Variants in CPNE8 observed in about 807,000 individuals in gnomAD.
CPNE8 encodes copine 8.
In CPNE8, 45 loss-of-function variants were observed where a neutral mutation model predicts 81.5. That is an observed-to-expected ratio of 0.55 (90% CI 0.44 to 0.71). CPNE8 has a LOEUF of 0.71. Ranked by LOEUF, CPNE8 falls within the 30% of genes least tolerant of loss-of-function variation. CPNE8 has a pLI of 0.00. For synonymous variants in CPNE8, 252 were observed against 226.3 expected, an observed-to-expected ratio of 1.11 and a Z score of -1.02; for missense variants, 594 against 672.1, an observed-to-expected ratio of 0.88 and a Z score of 1.28.
intron 3 of CPNE8, among the ~76,000 whole-genome samples, chr12:38,848,892 G>T (rs1348961781): frequency 6.6e-6 from 1 of 152,008 alleles, no homozygotes; most frequent in Non-Finnish European, 1.5e-5. Flanking sequence ...AAACCATAAT[G>T]CTTCTCCTTC....
intron 19 of CPNE8, among the ~76,000 whole-genome samples, chr12:38,662,353 A>G (rs1938977661): frequency 6.6e-6 from 1 of 152,212 alleles, no homozygotes; most frequent in Non-Finnish European, 1.5e-5. Flanking sequence ...GCATTTCTTT[A>G]TACCAATGGC....
At chr12:38,756,853 G>A (rs1219981314) in intron 10 of CPNE8, among the ~76,000 whole-genome samples, 1 of 152,172 alleles carries the variant, frequency 6.6e-6, no homozygotes, top group Admixed American at 6.5e-5. Flanking sequence ...AATGTAGGTA[G>A]TCTGAATTGA....
intron 13 of CPNE8, among the ~76,000 whole-genome samples, chr12:38,708,330 C>T (rs1038272452): frequency 4.6e-5 from 7 of 151,136 alleles, no homozygotes; most frequent in African/African-American, 1.7e-4. Flanking sequence ...TCTAATATTG[C>T]TTGAAGCCTA....
chr12:38,830,010 C>T (rs552101939), intron 5 of CPNE8, among the ~76,000 whole-genome samples: 2 of 152,296 alleles, frequency 1.3e-5, no homozygotes, highest in African/African-American at 4.8e-5. Flanking sequence ...TACCTCCTCA[C>T]AAAATTGTTC....
intron 1 of CPNE8, among the ~76,000 whole-genome samples, chr12:38,875,678 A>G (rs1944056058): frequency 6.6e-6 from 1 of 152,200 alleles, no homozygotes; most frequent in Non-Finnish European, 1.5e-5. Flanking sequence ...AAACAAAAAC[A>G]TATTCAACAA....
intron 10 of CPNE8, among the ~76,000 whole-genome samples, chr12:38,733,488 T>G (rs1199048897): frequency 2.6e-5 from 4 of 152,078 alleles, no homozygotes; most frequent in African/African-American, 7.2e-5. Context: ...AATACTTTGA[T>G]AATAAACCAC....
chr12:38,722,135 C>T (rs1030699322), intron 13 of CPNE8, among the ~76,000 whole-genome samples: 1 of 152,184 alleles, frequency 6.6e-6, no homozygotes, highest in African/African-American at 2.4e-5. Flanking sequence ...CCCCAAAGAT[C>T]CTGTAACACT....
At chr12:38,893,484 G>A (rs891316140) in intron 1 of CPNE8, among the ~76,000 whole-genome samples, 1 of 132,396 alleles carries the variant, frequency 7.6e-6, no homozygotes, top group Admixed American at 7.7e-5. Flanking sequence ...TTCTAAAAAG[G>A]GGAGGCATGA....
At chr12:38,685,673 A>AT in intron 15 of CPNE8, 56 bp from the exon 16 acceptor site, 1 of 1,546,880 alleles carries the variant, frequency 6.5e-7, no homozygotes, top group South Asian at 1.2e-5. Context: ...GTAAATCTCC[A>AT]TGAAGATCAA....
chr12:38,878,743 T>C (rs1409814730), intron 1 of CPNE8, among the ~76,000 whole-genome samples: 1 of 152,200 alleles, frequency 6.6e-6, no homozygotes, highest in African/African-American at 2.4e-5. Context: ...AACTGGAAAG[T>C]AGCAATTCTC....
intron 13 of CPNE8, among the ~76,000 whole-genome samples, chr12:38,712,791 G>A (rs1244497635): frequency 1.3e-5 from 2 of 152,152 alleles, no homozygotes; most frequent in Non-Finnish European, 2.9e-5. Flanking sequence ...ACTGAAAGAA[G>A]TATCCTGGGG....
intron 1 of CPNE8, among the ~76,000 whole-genome samples, chr12:38,890,174 T>C (rs1944293628): frequency 1.3e-5 from 2 of 152,064 alleles, no homozygotes; most frequent in African/African-American, 2.4e-5. Context: ...ATAATTTTCT[T>C]TTTTTTTCCT....
chr12:38,903,827 A>T (rs1447720971), intron 1 of CPNE8, among the ~76,000 whole-genome samples: 1 of 152,184 alleles, frequency 6.6e-6, no homozygotes, highest in Non-Finnish European at 1.5e-5. Flanking sequence ...TGTTCCATTG[A>T]CAGAAAAATC....
chr12:38,883,327 G>A (rs906587521), intron 1 of CPNE8, among the ~76,000 whole-genome samples: 2 of 152,116 alleles, frequency 1.3e-5, no homozygotes, highest in Non-Finnish European at 1.5e-5. Flanking sequence ...AGAACAAAAT[G>A]AAATGAGCTG....
At chr12:38,710,348 G>C (rs1239891929) in intron 13 of CPNE8, among the ~76,000 whole-genome samples, 1 of 149,568 alleles carries the variant, frequency 6.7e-6, no homozygotes, top group Admixed American at 6.7e-5. Context: ...AATGAGGTAG[G>C]TGCCAGAGAG....
At chr12:38,841,130 A>G (rs998476747) in intron 4 of CPNE8, among the ~76,000 whole-genome samples, 8 of 152,152 alleles carry the variant, frequency 5.3e-5, no homozygotes, top group African/African-American at 1.9e-4. Flanking sequence ...TCTAGCAAAG[A>G]ATGTTTACCA....
At chr12:38,684,808 G>T (rs1422315806) in intron 16 of CPNE8, among the ~76,000 whole-genome samples, 2 of 152,062 alleles carry the variant, frequency 1.3e-5, no homozygotes, top group Non-Finnish European at 2.9e-5. Flanking sequence ...ATAATTCAGG[G>T]TGTCATAGGA....
chr12:38,870,275 A>G (rs1429750818), intron 3 of CPNE8, among the ~76,000 whole-genome samples: 4 of 152,256 alleles, frequency 2.6e-5, no homozygotes, highest in African/African-American at 9.6e-5. Flanking sequence ...TGACCCAGCA[A>G]TCCCATTACT....
At position 38,677,512 on chromosome 12, in the gene CPNE8, A is replaced by T; in HGVS notation, c.1314T>A (p.Leu438=). Residue 438 remains leucine, a synonymous_variant, in exon 17 of 20, where the codon CTT becomes CTA. Coordinates refer to ENST00000331366, the MANE Select transcript of CPNE8 (RefSeq NM_153634.3). ...AGATAACACCATCTGTAACAATCAGAAGCACAAAATACTGGGAGCCATCCT... is the reference window on the plus strand; with the variant it reads ...AGATAACACCATCTGTAACAATCAGTAGCACAAAATACTGGGAGCCATCCT... The part of the protein sequence containing the change: ...SVKDGSQYFV[L]LIVTDGVISD... 6.2e-7 allele frequency: 1 copy of T among 1,612,736 alleles called. No individual in the cohort carries two copies. Among genetic ancestry groups the T allele is most frequent in the East Asian group, 2.2e-5 (1 of 44,822 alleles).
Sources: allele counts gnomAD v4.1 joint callset (sites outside exome capture counted in the v4.1 genomes callset), GRCh38; gene constraint gnomAD v4.1.1; transcripts MANE v1.5; gene names NCBI Gene and HGNC (gene_info 2026-07-23, HGNC 2026-07-21).